The following SRFBP1 variants were observed in gnomAD, a reference collection of about 807,000 sequenced individuals.
SRFBP1 encodes serum response factor-binding protein 1.
SRFBP1 carries 47 observed loss-of-function variants against 45.5 expected under a neutral mutation model. The ratio of observed to expected loss-of-function variants is 1.03; its 90% CI spans 0.82 to 1.32. The LOEUF (loss-of-function observed/expected upper bound fraction) is 1.32, where lower values mean the gene tolerates loss of function less well. Among genes scored for constraint, SRFBP1 ranks in the 40% most tolerant of loss-of-function variants. SRFBP1 has a pLI of 0.00. For missense variants in SRFBP1, 621 were observed against 484.6 expected (o/e 1.28, Z -2.64); for synonymous variants, 203 against 166.3 (o/e 1.22, Z -1.70).
chr5:121,995,909 C>T (rs1421651312), intron 4 of SRFBP1, among the ~76,000 whole-genome samples: 1 of 152,148 alleles, frequency 6.6e-6, no homozygotes, highest in Non-Finnish European at 1.5e-5. Flanking sequence ...ATTAGAAAAT[C>T]TAGAAGAAAT....
downstream of SRFBP1, among the ~76,000 whole-genome samples, chr5:122,033,123 A>T (rs775563430): frequency 6.7e-6 from 1 of 149,676 alleles, no homozygotes; most frequent in Non-Finnish European, 1.5e-5. Context: ...TTTTGTATCA[A>T]TTTTTTGAAT....
rs148012560 is a variant in SRFBP1, at chr5:122,059,173, C to T, written n.312-16142C>T. 1.0e-3 allele frequency among the ~76,000 whole-genome samples: 155 copies of T among 152,198 alleles called. 2 individuals are homozygous for T. Among genetic ancestry groups the T allele is most frequent in the African/African-American group, 3.7e-3 (153 of 41,524 alleles). On this transcript the variant is annotated intron_variant and non_coding_transcript_variant, in intron 2 of 2. Transcript: ENST00000504881. Reference sequence around the variant, plus strand: ...GAGAAAATGGTAGGAGATGGGGCAACAAGGCTTTGTGAGACTCACTCCTGA... The same window carrying T: ...GAGAAAATGGTAGGAGATGGGGCAATAAGGCTTTGTGAGACTCACTCCTGA...
At chr5:121,995,690 C>G (rs1234395844) in intron 4 of SRFBP1, among the ~76,000 whole-genome samples, 1 of 151,844 alleles carries the variant, frequency 6.6e-6, no homozygotes, top group East Asian at 1.9e-4. Flanking sequence ...AATAGAGACA[C>G]AAAAAACCCT....
intron 2 of SRFBP1, among the ~76,000 whole-genome samples, chr5:122,051,729 A>T (rs924015261): frequency 6.6e-6 from 1 of 151,734 alleles, no homozygotes; most frequent in East Asian, 1.9e-4. Context: ...ATGCCTTTTA[A>T]TTGGGGCATT....
At chr5:122,022,152 A>T (rs898079474) in intron 6 of SRFBP1, among the ~76,000 whole-genome samples, 2 of 152,166 alleles carry the variant, frequency 1.3e-5, no homozygotes, top group Admixed American at 6.5e-5. Flanking sequence ...GGTGAGGGAA[A>T]TAGGTCCTCA....
rs141597917 is a variant in SRFBP1 at position 122,070,456 on chromosome 5, G to T, written n.312-4859G>T. 8.3e-5 allele frequency: 93 copies of T among 1,122,504 alleles called. 1 individual carries two copies. The East Asian group carries it at 2.1e-3, about 26-fold the overall frequency. 69.5% of individuals were successfully genotyped at this position (1,122,504 alleles called of 1,614,324 possible). A position where few individuals can be genotyped will look rare whatever the true frequency, so the allele number is the denominator to read the frequency against. On this transcript the variant is annotated intron_variant and non_coding_transcript_variant, in intron 2 of 2. Coordinates refer to the SRFBP1 transcript ENST00000504881. ...TCCAGAGAAGAGGGCCTATTGATCT[G>T]CAATATCAATATATGATATATTTTC...
At chr5:121,970,629 C>T (rs995871790) in intron 1 of SRFBP1, among the ~76,000 whole-genome samples, 2 of 149,976 alleles carry the variant, frequency 1.3e-5, no homozygotes, top group Non-Finnish European at 3.0e-5. Flanking sequence ...GAAACAAATT[C>T]CTAAGAGGTT....
chr5:121,969,803 A>G (rs1469904855), intron 1 of SRFBP1, among the ~76,000 whole-genome samples: 2 of 151,564 alleles, frequency 1.3e-5, no homozygotes, highest in East Asian at 3.9e-4. Context: ...TTTCCCTTCA[A>G]TTTCTGTCTT....
At chr5:122,019,171 A>T in intron 4 of SRFBP1, 89 bp from the exon 5 acceptor site, 1 of 1,102,788 alleles carries the variant, frequency 9.1e-7, no homozygotes. Flanking sequence ...CTCTAATTTT[A>T]AAGACTATGA....
chr5:122,066,555 A>G, intron 2 of SRFBP1: 1 of 491,852 alleles, frequency 2.0e-6, no homozygotes, highest in Non-Finnish European at 3.7e-6. Context: ...AAATTTCCCA[A>G]GTAATGATGA....
intron 2 of SRFBP1, 96 bp from the exon 3 acceptor site, chr5:121,975,219 A>T: frequency 7.9e-7 from 1 of 1,266,102 alleles, no homozygotes; most frequent in Non-Finnish European, 1.1e-6. Flanking sequence ...GAGATTTATT[A>T]CGCTTTTCTA....
intron 4 of SRFBP1, among the ~76,000 whole-genome samples, chr5:122,000,910 A>G (rs1752852198): frequency 6.6e-6 from 1 of 152,084 alleles, no homozygotes; most frequent in Non-Finnish European, 1.5e-5. Flanking sequence ...CTAGAGTGTA[A>G]CCTTGAACTG....
rs750932770 is a variant in SRFBP1 at position 121,962,044 on chromosome 5, G to A, written c.12G>A (p.Pro4=). 1.1e-5 allele frequency: 17 copies of A among 1,613,962 alleles called. No homozygotes were observed. The highest frequency in any genetic ancestry group is 8.3e-5 in the Admixed American group (5 of 59,992). ...TTCCTTCATCTACCATGGCTCAGCC[G>A]GGAACTCTGAACCTCAATAACGAGG... MAQ[P]GTLNLNNEVV... Residue 4 remains proline, a synonymous_variant, in exon 1 of 8, where the codon CCG becomes CCA. Transcript: ENST00000339397.
chr5:121,985,835 C>T (rs1013683796), intron 3 of SRFBP1, among the ~76,000 whole-genome samples: 1 of 151,642 alleles, frequency 6.6e-6, no homozygotes, highest in Non-Finnish European at 1.5e-5. Context: ...GGGTAGACAA[C>T]ATAATAAATT....
chr5:122,034,905 T>C (rs1753663446), intron 2 of SRFBP1, among the ~76,000 whole-genome samples: 1 of 152,312 alleles, frequency 6.6e-6, no homozygotes, highest in East Asian at 1.9e-4. Flanking sequence ...CCACTCTTCC[T>C]TGTGACACCA....
intron 3 of SRFBP1, among the ~76,000 whole-genome samples, chr5:121,981,946 CTGAG>C (rs894497050): frequency 1.3e-5 from 2 of 151,838 alleles, no homozygotes; most frequent in African/African-American, 2.4e-5. Flanking sequence ...GGCTAGCTGA[CTGAG>C]TGACTTCTAC....
intron 3 of SRFBP1, 143 bp downstream of exon 3, chr5:121,975,530 T>C: frequency 3.5e-6 from 3 of 859,084 alleles, no homozygotes; most frequent in Non-Finnish European, 5.4e-6. Context: ...GTGAAGAATG[T>C]AGCACATTTA....
In SRFBP1 at chr5:122,020,274, C is replaced by A. The variant is rs1449348007; in HGVS notation, c.539C>A (p.Pro180Gln). Reference sequence around the variant, plus strand: ...GAAACCAAAATATTGGCGAAGAAACCAATACATAATTCAAAGGAAAAAATA... The same window carrying A: ...GAAACCAAAATATTGGCGAAGAAACAAATACATAATTCAAAGGAAAAAATA... ...VKETKILAKK[P>Q]IHNSKEKIAK... Residue 180 changes from proline (P) to glutamine (Q), a missense_variant, in exon 6 of 8, where the codon CCA becomes CAA. By Grantham distance (76) the Pro-to-Gln change is moderately conservative. Transcript: ENST00000339397. 1 of 1,612,344 alleles carries A rather than the reference C, an allele frequency of 6.2e-7. No individual in the cohort carries two copies. Among genetic ancestry groups the A allele is most frequent in the East Asian group, 2.2e-5 (1 of 44,838 alleles).
At chr5:122,052,503 C>T (rs1218800845) in intron 2 of SRFBP1, among the ~76,000 whole-genome samples, 2 of 152,092 alleles carry the variant, frequency 1.3e-5, no homozygotes, top group African/African-American at 4.8e-5. Context: ...TGCCAGTCTT[C>T]GAGTCCTGAG....
Sources: allele counts gnomAD v4.1 joint callset (sites outside exome capture counted in the v4.1 genomes callset), GRCh38; gene constraint gnomAD v4.1.1; transcripts MANE v1.5; gene names NCBI Gene and HGNC (gene_info 2026-07-23, HGNC 2026-07-21).